FBXL17: variants seen among roughly 807,000 people sequenced by gnomAD.
FBXL17 encodes F-box/LRR-repeat protein 17.
In FBXL17, 22 loss-of-function variants were observed where a neutral mutation model predicts 66.2. The ratio of observed to expected loss-of-function variants is 0.33; its 90% confidence interval spans 0.24 to 0.47. The LOEUF is 0.47. FBXL17 is among the 20% of genes least tolerant of loss of function. The probability of loss-of-function intolerance (pLI) is 1.00; values close to 1 mark genes in which losing one functional copy is unlikely to be tolerated. For missense variants in FBXL17, 878 were observed against 948.2 expected (o/e 0.93, Z 0.97); for synonymous variants, 474 against 400.5 (o/e 1.18, Z -2.19).
At chr5:108,325,602 C>T (rs1314061546) in intron 4 of FBXL17, among the ~76,000 whole-genome samples, 2 of 152,024 alleles carry the variant, frequency 1.3e-5, no homozygotes, top group Admixed American at 6.6e-5. Context: ...CAGGTCCCAC[C>T]TCACCATCTA....
intron 4 of FBXL17, among the ~76,000 whole-genome samples, chr5:108,297,409 T>C (rs1052089030): frequency 9.9e-5 from 15 of 151,736 alleles, no homozygotes; most frequent in African/African-American, 3.4e-4. Context: ...TGCAAATTAA[T>C]ATACTTCAGG....
chr5:108,248,454 T>C (rs753863780), intron 4 of FBXL17, among the ~76,000 whole-genome samples: 27 of 152,078 alleles, frequency 1.8e-4, no homozygotes, highest in Non-Finnish European at 2.6e-4. Flanking sequence ...CTTAGACACC[T>C]ACGTGACTAT....
chr5:108,314,448 A>G (rs1334538388), intron 4 of FBXL17, among the ~76,000 whole-genome samples: 1 of 151,622 alleles, frequency 6.6e-6, no homozygotes, highest in Non-Finnish European at 1.5e-5. Context: ...AACAAGTACA[A>G]TAAGAGAAAT....
intron 4 of FBXL17, among the ~76,000 whole-genome samples, chr5:108,255,896 A>G (rs1331906846): frequency 6.6e-6 from 1 of 152,190 alleles, no homozygotes; most frequent in East Asian, 1.9e-4. Flanking sequence ...CTTAGGTGAA[A>G]TCCACCAAAG....
At chr5:107,955,297 C>CAA (rs1006978371) in intron 7 of FBXL17, among the ~76,000 whole-genome samples, 1 of 150,514 alleles carries the variant, frequency 6.6e-6, no homozygotes, top group African/African-American at 2.4e-5. Context: ...TTAGTCTTAA[C>CAA]AAAAAAAAAT....
rs1000395126 is a variant in FBXL17, at chr5:108,002,213, C to T, written c.1822+18712G>A. Among the ~76,000 whole-genome samples, 6 of 117,870 alleles carry T rather than the reference C, an allele frequency of 5.1e-5. No individual in the cohort carries two copies. The South Asian group carries it at 7.6e-4, about 15-fold the overall frequency. 77.3% of individuals were successfully genotyped at this position (117,870 alleles called of 152,430 possible). On this transcript the variant is annotated intron_variant, in intron 7 of 8. Transcript: ENST00000542267. The stretch of plus-strand genomic sequence containing the variant: ...TTTTTTTTTTTTTTTTTAGTAGAGA[C>T]GGGGTTTCACCTGTTGGTCAGGCTG...
At chr5:107,900,958 C>T (rs934769130) in intron 7 of FBXL17, among the ~76,000 whole-genome samples, 4 of 152,050 alleles carry the variant, frequency 2.6e-5, no homozygotes, top group African/African-American at 7.2e-5. Flanking sequence ...TTTGTAAAAC[C>T]ACTGTCTGCT....
intron 4 of FBXL17, among the ~76,000 whole-genome samples, chr5:108,321,486 G>A (rs1048754565): frequency 5.3e-5 from 8 of 151,860 alleles, no homozygotes; most frequent in Middle Eastern, 3.4e-3. Flanking sequence ...CTGATTTATA[G>A]AACAGTAGAC....
At chr5:108,177,168 A>G (rs960993266) in intron 6 of FBXL17, among the ~76,000 whole-genome samples, 1 of 152,210 alleles carries the variant, frequency 6.6e-6, no homozygotes, top group Non-Finnish European at 1.5e-5. Flanking sequence ...TTAAATAAAT[A>G]CCTATTCAAA....
At chr5:108,158,902 G>T (rs1192986843) in intron 6 of FBXL17, among the ~76,000 whole-genome samples, 1 of 152,014 alleles carries the variant, frequency 6.6e-6, no homozygotes, top group Non-Finnish European at 1.5e-5. Flanking sequence ...AGTCTTTTTG[G>T]TTTTACATTT....
intron 7 of FBXL17, among the ~76,000 whole-genome samples, chr5:107,906,141 C>G (rs948338712): frequency 3.3e-5 from 5 of 150,652 alleles, no homozygotes; most frequent in Non-Finnish European, 7.4e-5. Flanking sequence ...TTCTTGGAAA[C>G]TAGATGACAG....
chr5:107,924,118 G>C (rs775316540), intron 7 of FBXL17, among the ~76,000 whole-genome samples: 1 of 140,336 alleles, frequency 7.1e-6, no homozygotes, highest in Non-Finnish European at 1.5e-5. Flanking sequence ...GCCCAGGCTA[G>C]ACTTGAACTC....
chr5:108,132,622 T>C (rs35299027), intron 6 of FBXL17, among the ~76,000 whole-genome samples: 26,701 of 152,138 alleles, frequency 0.18, 2,981 homozygotes, highest in East Asian at 0.28. Flanking sequence ...TTCTAATGGA[T>C]TTGATTAGCA....
At chr5:108,314,827 T>C (rs1205134680) in intron 4 of FBXL17, among the ~76,000 whole-genome samples, 1 of 151,504 alleles carries the variant, frequency 6.6e-6, no homozygotes, top group Non-Finnish European at 1.5e-5. Flanking sequence ...AAATCTATAG[T>C]CTTATTTTAG....
chr5:107,938,205 G>A (rs1210131514), intron 7 of FBXL17, among the ~76,000 whole-genome samples: 1 of 151,834 alleles, frequency 6.6e-6, no homozygotes, highest in Non-Finnish European at 1.5e-5. Context: ...TGGGATTAAT[G>A]TAAGCCGGAT....
At chr5:108,131,013 C>G (rs542483174) in intron 6 of FBXL17, among the ~76,000 whole-genome samples, 28 of 152,108 alleles carry the variant, frequency 1.8e-4, no homozygotes, top group Middle Eastern at 3.4e-3. Flanking sequence ...ACTCAAGAAA[C>G]ATAGTTTTCA....
At chr5:108,362,883 A>C (rs1748431300) in intron 3 of FBXL17, among the ~76,000 whole-genome samples, 1 of 152,076 alleles carries the variant, frequency 6.6e-6, no homozygotes. Context: ...ATATCATTCT[A>C]AAACATTTCT....
At chr5:108,369,590 C>T (rs1009524027) in intron 1 of FBXL17, among the ~76,000 whole-genome samples, 10 of 151,656 alleles carry the variant, frequency 6.6e-5, no homozygotes, top group African/African-American at 2.2e-4. Flanking sequence ...CATGTCAAAA[C>T]ACCATATATT....
rs149894091 is a variant in FBXL17 at position 108,348,455 on chromosome 5, C to T, written c.1450G>A (p.Val484Ile). 97 of 1,613,500 alleles carry T rather than the reference C, an allele frequency of 6.0e-5. No individual in the cohort carries two copies. The highest frequency in any genetic ancestry group is 6.8e-5 in the Non-Finnish European group (80 of 1,179,576). Residue 484 changes from valine (V) to isoleucine (I), a missense_variant, in exon 4 of 9, where the codon GTC becomes ATC. Around this residue, in one of 4 missense-constraint regions of FBXL17, gnomAD observed 236 missense variants for 389.1 expected, o/e 0.61. Transcript: ENST00000542267. ...AATTTCAGACAGCCCTTAGCTATGA[C>T]GATCATGCCTTCATCTGAGATCTTG... is the stretch of plus-strand genomic sequence containing the variant. ...CYKISDEGMI[V>I]IAKGCLKLQR...
Sources: allele counts gnomAD v4.1 joint callset (sites outside exome capture counted in the v4.1 genomes callset), GRCh38; gene constraint gnomAD v4.1.1; regional missense constraint gnomAD v4.1.1; transcripts MANE v1.5; gene names NCBI Gene and HGNC (gene_info 2026-07-23, HGNC 2026-07-21).